Variants in STRN3 observed in about 807,000 individuals in gnomAD.
The protein encoded by STRN3 is striatin 3, also known as striatin-3.
Under a neutral mutation model 95.6 loss-of-function variants are expected in STRN3, and 29 were observed. The ratio of observed to expected loss-of-function variants is 0.30; its 90% CI spans 0.23 to 0.41. STRN3 has a LOEUF of 0.41. Ranked by LOEUF, STRN3 falls within the 10% of genes least tolerant of loss-of-function variation. The probability of loss-of-function intolerance (pLI) is 1.00; values close to 1 mark genes in which losing one functional copy is unlikely to be tolerated. For missense variants in STRN3, 890 were observed against 972.1 expected (o/e 0.92, Z 1.12); for synonymous variants, 331 against 357.6 (o/e 0.93, Z 0.84).
intron 1 of STRN3, chr14:31,025,604 G>T: frequency 2.1e-6 from 1 of 471,724 alleles, no homozygotes; most frequent in Non-Finnish European, 3.9e-6. Context: ...CCAAGCCCCG[G>T]AGGCCCGGGA....
chr14:31,001,442 G>A (rs1018979824), intron 1 of STRN3, among the ~76,000 whole-genome samples: 6 of 151,826 alleles, frequency 4.0e-5, no homozygotes, highest in East Asian at 3.9e-4. Context: ...AGGTTAAAGC[G>A]GAAGAATCAC....
rs75204146 is a variant in STRN3 at position 30,934,100 on chromosome 14, C to T, written c.988+1063G>A. On this transcript the variant is annotated intron_variant, in intron 7 of 17. Coordinates refer to ENST00000357479, the MANE Select transcript of STRN3 (RefSeq NM_001083893.2). Reference sequence around the variant, plus strand: ...CAGTACTTTGGGAGGCCAAGGCGGGCGGATCGCGATGTCAAGAGATCGAGA... The same window carrying T: ...CAGTACTTTGGGAGGCCAAGGCGGGTGGATCGCGATGTCAAGAGATCGAGA... Among the ~76,000 whole-genome samples, 579 of 152,140 alleles carry T rather than the reference C, an allele frequency of 3.8e-3. 2 individuals are homozygous for T. Among genetic ancestry groups the T allele is most frequent in the African/African-American group, 0.013 (544 of 41,514 alleles).
intron 1 of STRN3, among the ~76,000 whole-genome samples, chr14:30,969,512 TATTAAA>T (rs915488761): frequency 9.9e-5 from 15 of 152,234 alleles, no homozygotes; most frequent in African/African-American, 3.6e-4. Flanking sequence ...TACAAGGTTT[TATTAAA>T]ATTAACATTA....
chr14:31,017,224 G>A (rs1345124596), intron 1 of STRN3, among the ~76,000 whole-genome samples: 2 of 152,116 alleles, frequency 1.3e-5, no homozygotes, highest in Admixed American at 6.5e-5. Context: ...TCTAGGCCGG[G>A]CGCAGTGGCT....
intron 1 of STRN3, among the ~76,000 whole-genome samples, chr14:31,015,109 G>A (rs774885229): frequency 3.3e-5 from 5 of 151,874 alleles, no homozygotes; most frequent in East Asian, 3.9e-4. Flanking sequence ...GACTACAAGC[G>A]TGAGCGCCAC....
At chr14:30,902,836 T>A (rs188033464) in intron 15 of STRN3, among the ~76,000 whole-genome samples, 193 bp from the exon 16 acceptor site, 1 of 152,170 alleles carries the variant, frequency 6.6e-6, no homozygotes, top group South Asian at 2.1e-4. Context: ...TTATGTCCTA[T>A]AATATAGACT....
At chr14:30,975,773 C>A (rs1478249061) in intron 1 of STRN3, among the ~76,000 whole-genome samples, 1 of 136,578 alleles carries the variant, frequency 7.3e-6, no homozygotes, top group Non-Finnish European at 1.5e-5. Context: ...ATCAAGGCTA[C>A]AAGTGAGCTA....
intron 12 of STRN3, 132 bp from the exon 13 acceptor site, chr14:30,911,294 A>AATTT: frequency 1.4e-5 from 10 of 718,724 alleles, no homozygotes; most frequent in Admixed American, 4.3e-5. Context: ...CCTGACTGGT[A>AATTT]CTTTTTTTTT....
At chr14:31,014,980 A>T (rs956154950) in intron 1 of STRN3, among the ~76,000 whole-genome samples, 1 of 152,028 alleles carries the variant, frequency 6.6e-6, no homozygotes, top group African/African-American at 2.4e-5. Flanking sequence ...GGCATGCGCC[A>T]CCATGCCCGG....
intron 1 of STRN3, among the ~76,000 whole-genome samples, chr14:30,967,153 C>T (rs1333678697): frequency 6.9e-6 from 1 of 144,428 alleles, no homozygotes; most frequent in Admixed American, 7.0e-5. Context: ...CTTTTCCTTT[C>T]TTCTTGGGTA....
chr14:31,025,689 C>G (rs1218514553), intron 1 of STRN3: 20 of 716,682 alleles, frequency 2.8e-5, no homozygotes, highest in Non-Finnish European at 2.2e-5. Flanking sequence ...GCCCGCACCG[C>G]GTAGCCAGTG....
In STRN3 at chr14:30,895,015, G is replaced by A; in HGVS notation, c.*396C>T. On this transcript the variant is annotated 3_prime_UTR_variant, in exon 18 of 18. Transcript: ENST00000357479. ...TTGGAGCTCACTTCCCCCAACAAGA[G>A]CACCACATTCCTAACCCCTAAGGCA... is the stretch of plus-strand genomic sequence containing the variant. The A allele has an allele frequency of 3.7e-6, 1 of 271,604 alleles. No individual in the cohort carries two copies. The highest frequency in any genetic ancestry group is 5.6e-6 in the Non-Finnish European group (1 of 179,380). The allele number at this position is 271,604 out of a possible 1,614,324, so 16.8% of individuals were successfully genotyped here. A position where few individuals can be genotyped will look rare whatever the true frequency, so the allele number is the denominator to read the frequency against.
chr14:31,022,628 T>C (rs888672536), intron 1 of STRN3, among the ~76,000 whole-genome samples: 3 of 150,414 alleles, frequency 2.0e-5, no homozygotes, highest in Admixed American at 1.3e-4. Context: ...CAATACTAGA[T>C]GAAGAATTAC....
intron 1 of STRN3, among the ~76,000 whole-genome samples, chr14:30,987,293 G>C (rs1267092851): frequency 6.6e-6 from 1 of 152,136 alleles, no homozygotes. Context: ...GGATCACAGG[G>C]TCAGGAGATC....
rs1426224076 is a variant in STRN3 at position 30,959,729 on chromosome 14, G to C, written c.283-3487C>G. Reference sequence around the variant, plus strand: ...CCAGCTACTTGGGAAGCTGGGGGGTGGGGGAGAATTGCTTGAGCCAGGGAC... The same window carrying C: ...CCAGCTACTTGGGAAGCTGGGGGGTCGGGGAGAATTGCTTGAGCCAGGGAC... On this transcript the variant is annotated intron_variant, in intron 1 of 17. Coordinates refer to ENST00000357479, the MANE Select transcript of STRN3 (RefSeq NM_001083893.2). 2.0e-5 allele frequency among the ~76,000 whole-genome samples: 3 copies of C among 152,052 alleles called. No individual in the cohort carries two copies. In the South Asian group the frequency reaches 6.2e-4, roughly 32 times the overall value.
At chr14:30,924,212 CA>C (rs200674481) in intron 8 of STRN3, among the ~76,000 whole-genome samples, 51,886 of 110,268 alleles carry the variant, frequency 0.47, 10,215 homozygotes, top group Admixed American at 0.49. Context: ...CTGAACTACT[CA>C]AAAAAAAAAA....
At chr14:30,945,179 T>C (rs777254198) in intron 5 of STRN3, among the ~76,000 whole-genome samples, 3 of 152,194 alleles carry the variant, frequency 2.0e-5, no homozygotes, top group Non-Finnish European at 4.4e-5. Context: ...TTGATGAGGA[T>C]GTGGAGAAAT....
chr14:30,940,024 AGT>A (rs570416049), intron 5 of STRN3, among the ~76,000 whole-genome samples: 68 of 151,706 alleles, frequency 4.5e-4, no homozygotes, highest in African/African-American at 1.5e-3. Context: ...ATAACTGCCT[AGT>A]GTGTTTTTTT....
intron 1 of STRN3, among the ~76,000 whole-genome samples, chr14:30,996,358 A>G (rs1421860226): frequency 6.6e-6 from 1 of 152,200 alleles, no homozygotes; most frequent in African/African-American, 2.4e-5. Context: ...CTGGTGGTAA[A>G]TTGGGTAGTT....
Sources: gnomAD v4.1 joint callset for allele counts (sites outside exome capture counted in the v4.1 genomes callset) on GRCh38, gnomAD v4.1.1 for gene constraint, MANE v1.5 for transcripts, NCBI Gene and HGNC (gene_info 2026-07-23, HGNC 2026-07-21) for gene names.